FGF12: variants seen among roughly 807,000 people sequenced by gnomAD.
The protein encoded by FGF12 is fibroblast growth factor 12.
In FGF12, 14 loss-of-function variants were observed where a neutral mutation model predicts 23.6. The observed-to-expected ratio is 0.59, with a 90% confidence interval of 0.39 to 0.93. FGF12 has a LOEUF of 0.93. FGF12 is among the 40% of genes least tolerant of loss of function. The pLI is 0.00. For synonymous variants in FGF12, 62 were observed against 77.3 expected (o/e 0.80, Z 1.04); for missense variants, 175 against 217.8 (o/e 0.80, Z 1.24).
At chr3:192,603,103 C>T (rs550050065) in intron 2 of FGF12, among the ~76,000 whole-genome samples, 2 of 152,254 alleles carry the variant, frequency 1.3e-5, no homozygotes, top group African/African-American at 4.8e-5. Context: ...AAGTTGGAAG[C>T]ATTCCCCTTG....
At chr3:192,600,832 CTT>C (rs954471905) in intron 2 of FGF12, among the ~76,000 whole-genome samples, 1 of 152,006 alleles carries the variant, frequency 6.6e-6, no homozygotes, top group Non-Finnish European at 1.5e-5. Context: ...AAAGGTTACT[CTT>C]ATATGCTGTT....
chr3:192,542,685 T>C (rs551399491), intron 2 of FGF12, among the ~76,000 whole-genome samples: 3 of 152,212 alleles, frequency 2.0e-5, no homozygotes, highest in South Asian at 4.2e-4. Flanking sequence ...GGTGTTGTGC[T>C]CTAAGTTTCT....
chr3:192,158,362 CTTTCTTTCTT>C (rs1334108139), intron 5 of FGF12, among the ~76,000 whole-genome samples: 1 of 106,866 alleles, frequency 9.4e-6, no homozygotes, highest in Non-Finnish European at 1.9e-5. Context: ...TTCTTTCTTT[CTTTCTTTCTT>C]TCTTTCTTTC....
At chr3:192,678,719 T>C (rs577955424) in intron 2 of FGF12, among the ~76,000 whole-genome samples, 2 of 152,294 alleles carry the variant, frequency 1.3e-5, no homozygotes, top group African/African-American at 2.4e-5. Context: ...TCCATAAACA[T>C]TTACGGGATA....
At chr3:192,626,587 C>T (rs2108652091) in intron 2 of FGF12, among the ~76,000 whole-genome samples, 1 of 152,192 alleles carries the variant, frequency 6.6e-6, no homozygotes, top group Non-Finnish European at 1.5e-5. Context: ...AAGTTAAACG[C>T]TACATATACA....
intron 4 of FGF12, among the ~76,000 whole-genome samples, chr3:192,261,235 C>T (rs1195880417): frequency 6.6e-6 from 1 of 152,150 alleles, no homozygotes; most frequent in African/African-American, 2.4e-5. Flanking sequence ...TTGGCCTGGT[C>T]TACCTGAAAA....
At chr3:192,546,504 G>C (rs1457764106) in intron 2 of FGF12, among the ~76,000 whole-genome samples, 23 of 144,618 alleles carry the variant, frequency 1.6e-4, no homozygotes, top group Non-Finnish European at 1.5e-5. Flanking sequence ...AAAAAAAAAG[G>C]ATATTTCGAC....
Position 192,466,847 on chromosome 3 carries a change from T to A in FGF12, c.14-106309A>T, listed in dbSNP as rs966689858. Among the ~76,000 whole-genome samples, 52 of 152,316 alleles carry A rather than the reference T, an allele frequency of 3.4e-4. 1 individual carries two copies. The highest frequency in any genetic ancestry group is 1.2e-3 in the African/African-American group (48 of 41,572). On this transcript the variant is annotated intron_variant, in intron 2 of 5. Transcript: ENST00000445105. ...CAGAGCCCCTGGCTTCTCCTCATTA[T>A]AACTAGTTCCCTCAAATGTGGTTTG...
rs1176278153 is a variant in FGF12 at position 192,154,269 on chromosome 3, G to A, written c.428-10142C>T. On this transcript the variant is annotated intron_variant, in intron 5 of 5. Coordinates refer to ENST00000445105, the MANE Select transcript of FGF12 (RefSeq NM_004113.6). ...TTGCCTTTGGTTTGAATGTCCTCCC[G>A]TAGCTCAGAGTAATTTGATCGTCTG... Among the ~76,000 whole-genome samples the A allele has an allele frequency of 3.4e-4, 38 of 111,574 alleles. 2 individuals are homozygous for A. Among genetic ancestry groups the A allele is most frequent in the African/African-American group, 1.2e-3 (36 of 29,640 alleles). 73.2% of individuals were successfully genotyped at this position (111,574 alleles called of 152,430 possible). A position where few individuals can be genotyped will look rare whatever the true frequency, so the allele number is the denominator to read the frequency against.
chr3:192,188,261 C>T (rs1716595758), intron 4 of FGF12, among the ~76,000 whole-genome samples: 1 of 152,192 alleles, frequency 6.6e-6, no homozygotes, highest in Non-Finnish European at 1.5e-5. Context: ...ATACTCTTTG[C>T]TCCACAAAAC....
At chr3:192,590,519 A>G (rs541078342) in intron 2 of FGF12, among the ~76,000 whole-genome samples, 13 of 152,108 alleles carry the variant, frequency 8.5e-5, no homozygotes, top group Middle Eastern at 3.4e-3. Context: ...AGCAGAACAA[A>G]TAAATGAAAT....
chr3:192,257,966 C>T (rs760694785), intron 4 of FGF12, among the ~76,000 whole-genome samples: 1 of 150,968 alleles, frequency 6.6e-6, no homozygotes, highest in Non-Finnish European at 1.5e-5. Context: ...CTTACGGTAC[C>T]CTGTGTGATT....
chr3:192,508,758 T>C (rs954530976), intron 2 of FGF12, among the ~76,000 whole-genome samples: 4 of 152,250 alleles, frequency 2.6e-5, no homozygotes, highest in African/African-American at 4.8e-5. Flanking sequence ...ACAGAGATAC[T>C]ACTCATTTCC....
intron 2 of FGF12, among the ~76,000 whole-genome samples, chr3:192,683,980 G>T (rs1052070136): frequency 6.6e-6 from 1 of 152,166 alleles, no homozygotes; most frequent in Non-Finnish European, 1.5e-5. Context: ...TTAAGTTCCA[G>T]AGTCGTTCTC....
chr3:192,208,694 ACT>A (rs1717776899), intron 4 of FGF12, among the ~76,000 whole-genome samples: 1 of 152,190 alleles, frequency 6.6e-6, no homozygotes, highest in Non-Finnish European at 1.5e-5. Context: ...AACAAAAAAC[ACT>A]GTTGGGAACC....
Position 192,514,841 on chromosome 3 carries a change from C to T in FGF12, c.14-154303G>A, listed in dbSNP as rs1724611571. On this transcript the variant is annotated intron_variant, in intron 2 of 5. Coordinates refer to ENST00000445105, the MANE Select transcript of FGF12 (RefSeq NM_004113.6). The surrounding 1 kb of genome is among the most constrained non-coding windows in gnomAD (Gnocchi z 4.9). ...CAACAGGCGGCCTGTCTTCGGAAGCCGGGTCCCGAGTCCATCGCGCGCGCC... is the reference window on the plus strand; with the variant it reads ...CAACAGGCGGCCTGTCTTCGGAAGCTGGGTCCCGAGTCCATCGCGCGCGCC... The T allele has an allele frequency of 5.1e-6, 5 of 985,354 alleles. No individual in the cohort carries two copies. The highest frequency in any genetic ancestry group is 6.0e-6 in the Non-Finnish European group (5 of 829,916). The allele number at this position is 985,354 out of a possible 1,614,324, so 61.0% of individuals were successfully genotyped here. A position where few individuals can be genotyped will look rare whatever the true frequency, so the allele number is the denominator to read the frequency against.
intron 4 of FGF12, among the ~76,000 whole-genome samples, chr3:192,288,459 T>A (rs1236623449): frequency 1.3e-5 from 2 of 152,092 alleles, no homozygotes; most frequent in African/African-American, 4.8e-5. Context: ...TTAATTTTTT[T>A]AATTTTTACT....
chr3:192,369,401 C>T (rs1380950257), intron 2 of FGF12, among the ~76,000 whole-genome samples: 1 of 152,206 alleles, frequency 6.6e-6, no homozygotes, highest in African/African-American at 2.4e-5. Context: ...GTCTCCAAAG[C>T]CCTGAGTTGC....
intron 2 of FGF12, among the ~76,000 whole-genome samples, chr3:192,397,800 T>C (rs1259520622): frequency 6.6e-6 from 1 of 152,178 alleles, no homozygotes; most frequent in Non-Finnish European, 1.5e-5. Flanking sequence ...TGAATATAGA[T>C]CCCTACTTTG....
Sources: allele counts gnomAD v4.1 joint callset (sites outside exome capture counted in the v4.1 genomes callset), GRCh38; gene constraint gnomAD v4.1.1; non-coding constraint Gnocchi (gnomAD v3.1); transcripts MANE v1.5; gene names NCBI Gene and HGNC (gene_info 2026-07-23, HGNC 2026-07-21).